The following CYB5R4 variants were observed in gnomAD, a reference collection of about 807,000 sequenced individuals.
CYB5R4 encodes N-terminal cytochrome b5 and cytochrome b5 oxidoreductase domain-containing protein.
Under a neutral mutation model 70.2 loss-of-function variants are expected in CYB5R4, and 55 were observed. The observed-to-expected ratio is 0.78, with a 90% CI of 0.63 to 0.98. CYB5R4 has a LOEUF of 0.98. Among genes scored for constraint, CYB5R4 ranks in the 50% least tolerant of loss-of-function variants. The pLI is 0.00. For synonymous variants in CYB5R4, 197 were observed against 199.5 expected (o/e 0.99, Z 0.11); for missense variants, 562 against 612.6 (o/e 0.92, Z 0.87).
chr6:83,939,669 T>A (rs530816831), intron 12 of CYB5R4, among the ~76,000 whole-genome samples: 1 of 152,198 alleles, frequency 6.6e-6, no homozygotes, highest in Admixed American at 6.5e-5. Context: ...AAGACAAATA[T>A]ATATGGACTC....
At position 83,959,875 on chromosome 6, in the gene CYB5R4, A is replaced by G. The variant is rs1348229662; in HGVS notation, c.1563A>G (p.Ala521=). The part of the protein sequence containing the change: ...FSKNEIHSFT[A] ...AAAATGAGATCCATAGTTTTACAGC[A>G]TAATGAAGAGCTGTCATTGTCCTTT... The change falls in exon 16 of 16, where the codon GCA becomes GCG. Residue 521 remains alanine (A), a synonymous_variant. Coordinates refer to ENST00000369681, the MANE Select transcript of CYB5R4 (RefSeq NM_016230.4). 6.3e-7 allele frequency: 1 copy of G among 1,596,496 alleles called. No individual in the cohort carries two copies. Among genetic ancestry groups the G allele is most frequent in the Admixed American group, 1.7e-5 (1 of 58,024 alleles).
intron 3 of CYB5R4, among the ~76,000 whole-genome samples, chr6:83,908,163 A>C (rs2099464108): frequency 6.6e-6 from 1 of 152,012 alleles, no homozygotes; most frequent in African/African-American, 2.4e-5. Context: ...CTTTTTATTA[A>C]TGCCATTCTA....
intron 4 of CYB5R4, among the ~76,000 whole-genome samples, chr6:83,909,910 C>T (rs2099464408): frequency 6.6e-6 from 1 of 152,110 alleles, no homozygotes; most frequent in Non-Finnish European, 1.5e-5. Flanking sequence ...GGACAGACCC[C>T]CACAACAAAG....
chr6:83,894,925 A>G (rs1436507679), intron 3 of CYB5R4, among the ~76,000 whole-genome samples: 3 of 152,216 alleles, frequency 2.0e-5, no homozygotes, highest in Middle Eastern at 3.4e-3. Context: ...ACCCATATGT[A>G]AATGGACTCG....
At chr6:83,955,215 G>A (rs915021217) in intron 14 of CYB5R4, 83 bp from the exon 15 acceptor site, 3 of 1,129,144 alleles carry the variant, frequency 2.7e-6, no homozygotes, top group Non-Finnish European at 3.7e-6. Context: ...TCCTTTAGGG[G>A]AGAAATATAT....
intron 1 of CYB5R4, among the ~76,000 whole-genome samples, chr6:83,860,731 T>A (rs1273165057): frequency 6.6e-6 from 1 of 152,220 alleles, no homozygotes; most frequent in Non-Finnish European, 1.5e-5. Flanking sequence ...TTTTCTCCAC[T>A]TAGACCTGGC....
At chr6:83,861,238 G>GT (rs2099455885) in intron 1 of CYB5R4, among the ~76,000 whole-genome samples, 1 of 152,194 alleles carries the variant, frequency 6.6e-6, no homozygotes, top group South Asian at 2.1e-4. Flanking sequence ...GCAAAGGTGA[G>GT]TTTTTGGTCC....
At chr6:83,887,690 G>T (rs772981382) in intron 2 of CYB5R4, among the ~76,000 whole-genome samples, 2 of 143,408 alleles carry the variant, frequency 1.4e-5, no homozygotes, top group African/African-American at 2.6e-5. Context: ...CTTCTGAACA[G>T]TTCTCAGTCA....
chr6:83,955,753 G>A (rs888521852), intron 15 of CYB5R4, among the ~76,000 whole-genome samples: 1 of 152,092 alleles, frequency 6.6e-6, no homozygotes, highest in African/African-American at 2.4e-5. Context: ...TCTTATTTGG[G>A]ACATTAGGCC....
chr6:83,877,018 A>G (rs1353173448), intron 2 of CYB5R4, among the ~76,000 whole-genome samples: 1 of 152,062 alleles, frequency 6.6e-6, no homozygotes, highest in Non-Finnish European at 1.5e-5. Context: ...TTTTTAGTAG[A>G]GATGGGTTTC....
At chr6:83,947,375 C>G (rs903169804) in intron 14 of CYB5R4, among the ~76,000 whole-genome samples, 8 of 152,046 alleles carry the variant, frequency 5.3e-5, no homozygotes, top group Non-Finnish European at 1.0e-4. Context: ...TAAAACTGGA[C>G]CCTTCCTTAC....
intron 10 of CYB5R4, among the ~76,000 whole-genome samples, chr6:83,927,857 T>C (rs1268287224): frequency 6.6e-6 from 1 of 152,148 alleles, no homozygotes; most frequent in African/African-American, 2.4e-5. Flanking sequence ...TCCAATCCTT[T>C]AATCACATGG....
At chr6:83,912,390 G>A (rs1005077890) in intron 4 of CYB5R4, among the ~76,000 whole-genome samples, 5 of 152,166 alleles carry the variant, frequency 3.3e-5, no homozygotes, top group Non-Finnish European at 7.4e-5. Context: ...TAAAGAATGA[G>A]CATATTGGTA....
intron 2 of CYB5R4, among the ~76,000 whole-genome samples, chr6:83,886,530 A>G (rs1005456091): frequency 2.0e-5 from 3 of 152,210 alleles, no homozygotes; most frequent in African/African-American, 7.2e-5. Flanking sequence ...GTTAGTCACA[A>G]AGACCACATA....
chr6:83,894,152 T>G (rs1323543698), intron 3 of CYB5R4, among the ~76,000 whole-genome samples: 1 of 152,212 alleles, frequency 6.6e-6, no homozygotes, highest in Non-Finnish European at 1.5e-5. Flanking sequence ...TCTGTATAGG[T>G]TATCTCAAAA....
At chr6:83,864,847 C>G (rs183764239) in intron 2 of CYB5R4, among the ~76,000 whole-genome samples, 2 of 151,986 alleles carry the variant, frequency 1.3e-5, no homozygotes, top group African/African-American at 4.8e-5. Flanking sequence ...ATTAGAAACT[C>G]CAAATTAAAT....
chr6:83,948,523 AAAGTAAACAGAC>A (rs1295493598), intron 14 of CYB5R4, among the ~76,000 whole-genome samples: 2 of 152,098 alleles, frequency 1.3e-5, no homozygotes, highest in African/African-American at 4.8e-5. Flanking sequence ...ATTTTTTTAA[AAAGTAAACAGAC>A]ATAGGTAGGC....
chr6:83,870,583 A>T (rs1360179924), intron 2 of CYB5R4, among the ~76,000 whole-genome samples: 1 of 151,870 alleles, frequency 6.6e-6, no homozygotes, highest in Non-Finnish European at 1.5e-5. Context: ...CTAATGTTTT[A>T]ATTTGTAATA....
At chr6:83,934,392 A>C (rs1170479237) in intron 10 of CYB5R4, among the ~76,000 whole-genome samples, 1 of 152,172 alleles carries the variant, frequency 6.6e-6, no homozygotes, top group African/African-American at 2.4e-5. Context: ...AGAAGTATTT[A>C]CAGGTCTTGG....
Sources: allele counts gnomAD v4.1 joint callset (sites outside exome capture counted in the v4.1 genomes callset), GRCh38; gene constraint gnomAD v4.1.1; transcripts MANE v1.5; gene names NCBI Gene and HGNC (gene_info 2026-07-23, HGNC 2026-07-21).